Variants in DSCAML1 observed in about 807,000 individuals in gnomAD.
DSCAML1 encodes the protein DS cell adhesion molecule like 1.
DSCAML1 carries 38 observed loss-of-function variants against 200.5 expected under a neutral mutation model. That is an observed-to-expected ratio of 0.19 (90% CI 0.15 to 0.25). DSCAML1 has a LOEUF of 0.25. DSCAML1 is among the 10% of genes least tolerant of loss of function. DSCAML1 has a pLI of 1.00. For missense variants in DSCAML1, 2,223 were observed against 2,858.8 expected (o/e 0.78, Z 5.07); for synonymous variants, 1,215 against 1,165.0 (o/e 1.04, Z -0.87).
chr11:117,502,894 A>G (rs539375026), intron 11 of DSCAML1, among the ~76,000 whole-genome samples: 26 of 152,210 alleles, frequency 1.7e-4, no homozygotes, highest in African/African-American at 6.3e-4. Flanking sequence ...CACGAGGCCA[A>G]GTATGCTCAT....
In DSCAML1 at chr11:117,630,658, CAAAAAAAAAAAA is replaced by C. The variant is rs56741831; in HGVS notation, c.512-98148_512-98137del. Among the ~76,000 whole-genome samples the C allele has an allele frequency of 6.0e-3, 275 of 45,592 alleles. 1 individual carries two copies. Among genetic ancestry groups the C allele is most frequent in the Non-Finnish European group, 9.0e-3 (226 of 25,072 alleles). 29.9% of individuals were successfully genotyped at this position (45,592 alleles called of 152,430 possible). The stretch of plus-strand genomic sequence containing the variant: ...TTTGGAAACTGAGGCATAAAGTGGC[CAAAAAAAAAAAA>C]AAAAAAAAAAAAAAGAGGCATAGGG... On this transcript the variant is annotated intron_variant, in intron 3 of 32. Transcript: ENST00000651296.
chr11:117,740,666 T>C (rs1751947150), intron 3 of DSCAML1, among the ~76,000 whole-genome samples: 1 of 152,212 alleles, frequency 6.6e-6, no homozygotes, highest in South Asian at 2.1e-4. Flanking sequence ...TGCCACACCG[T>C]TGACTCCAGC....
At chr11:117,763,994 C>A (rs1488851715) in intron 3 of DSCAML1, among the ~76,000 whole-genome samples, 1 of 152,162 alleles carries the variant, frequency 6.6e-6, no homozygotes, top group African/African-American at 2.4e-5. Flanking sequence ...AACTTGATTC[C>A]TTTCCTGCAC....
At position 117,437,074 on chromosome 11, in the gene DSCAML1, C is replaced by A. The variant is rs747091305; in HGVS notation, c.4720+48G>T. The stretch of plus-strand genomic sequence containing the variant: ...TGCCACTCTGCCCACTTCCTTCGCA[C>A]CACCCTGCTCCAGCCTCTGTACCAT... On this transcript the variant is annotated intron_variant, in intron 26 of 32. Coordinates refer to ENST00000651296, the MANE Select transcript of DSCAML1 (RefSeq NM_020693.4). This position sits in a 1 kb window ranked among gnomAD's most constrained non-coding sequence, Gnocchi z 5.3. 3 of 1,569,732 alleles carry A rather than the reference C, an allele frequency of 1.9e-6. No individual in the cohort carries two copies. Among genetic ancestry groups the A allele is most frequent in the Non-Finnish European group, 2.6e-6 (3 of 1,155,622 alleles).
rs143351198 is a variant in DSCAML1 at position 117,492,731 on chromosome 11, G to C, written c.2360-10569C>G. On this transcript the variant is annotated intron_variant, in intron 11 of 32. Coordinates refer to ENST00000651296, the MANE Select transcript of DSCAML1 (RefSeq NM_020693.4). ...GCGCGCCGGGTGGTCGGCGGGGCGGGTGGGAGCAGCGCTTCACTCAGCCTT... is the reference window on the plus strand; with the variant it reads ...GCGCGCCGGGTGGTCGGCGGGGCGGCTGGGAGCAGCGCTTCACTCAGCCTT... Among the ~76,000 whole-genome samples, 83 of 152,296 alleles carry C rather than the reference G, an allele frequency of 5.4e-4. 2 individuals carry two copies. The Middle Eastern group carries it at 0.031, about 57-fold the overall frequency.
At chr11:117,495,210 C>T (rs2049268054) in intron 11 of DSCAML1, among the ~76,000 whole-genome samples, 1 of 152,138 alleles carries the variant, frequency 6.6e-6, no homozygotes. Context: ...CTGTTATGCT[C>T]CCAGCCCCAA....
intron 24 of DSCAML1, 121 bp downstream of exon 24, chr11:117,438,764 C>T: frequency 2.1e-6 from 2 of 939,838 alleles, no homozygotes; most frequent in Non-Finnish European, 3.0e-6. Flanking sequence ...TTGTGGGTCA[C>T]TTGGCCCCCA....
chr11:117,784,790 A>G (rs1288647657), intron 1 of DSCAML1, among the ~76,000 whole-genome samples: 2 of 152,196 alleles, frequency 1.3e-5, no homozygotes, highest in African/African-American at 4.8e-5. Flanking sequence ...ACAAAAGGGC[A>G]GGATGTGATT....
intron 1 of DSCAML1, among the ~76,000 whole-genome samples, chr11:117,795,019 C>T (rs935621401): frequency 6.6e-6 from 1 of 152,196 alleles, no homozygotes; most frequent in Admixed American, 6.5e-5. Flanking sequence ...AAGATTTTGC[C>T]CCTTGGCTGT....
intron 3 of DSCAML1, among the ~76,000 whole-genome samples, chr11:117,597,081 G>A (rs2051375106): frequency 1.3e-5 from 2 of 152,178 alleles, no homozygotes; most frequent in Admixed American, 1.3e-4. Context: ...CGTTCTGCAT[G>A]GAGGTTTTCC....
chr11:117,633,411 G>C (rs919938765), intron 3 of DSCAML1, among the ~76,000 whole-genome samples: 1 of 152,204 alleles, frequency 6.6e-6, no homozygotes, highest in African/African-American at 2.4e-5. Context: ...TTTGCTCCCT[G>C]TCAACACAGA....
At chr11:117,461,344 C>A in intron 18 of DSCAML1, 106 bp downstream of exon 18, 1 of 1,526,438 alleles carries the variant, frequency 6.6e-7, no homozygotes. Context: ...TGCACTTCCT[C>A]TTGCCAAGCT....
chr11:117,771,140 T>A (rs2055031353), intron 3 of DSCAML1, among the ~76,000 whole-genome samples: 1 of 152,124 alleles, frequency 6.6e-6, no homozygotes, highest in South Asian at 2.1e-4. Context: ...CCACCTCCCC[T>A]CTCTGTGCCC....
intron 3 of DSCAML1, among the ~76,000 whole-genome samples, chr11:117,586,507 T>C (rs1036494718): frequency 2.0e-5 from 3 of 152,144 alleles, no homozygotes; most frequent in Admixed American, 1.3e-4. Flanking sequence ...CTGCCCAAGG[T>C]CACAGAGCTG....
At chr11:117,612,118 C>T (rs1165772554) in intron 3 of DSCAML1, 1 of 152,194 alleles carries the variant, frequency 6.6e-6, no homozygotes, top group Non-Finnish European at 1.5e-5. Flanking sequence ...GCTCTGTATA[C>T]AGTAAGTGTT....
At chr11:117,753,163 C>A (rs1387330396) in intron 3 of DSCAML1, among the ~76,000 whole-genome samples, 2 of 152,218 alleles carry the variant, frequency 1.3e-5, no homozygotes, top group African/African-American at 2.4e-5. Context: ...TAAAATGCAC[C>A]TCCCAGGGTT....
At chr11:117,661,306 A>C (rs769515957) in intron 3 of DSCAML1, among the ~76,000 whole-genome samples, 9 of 152,332 alleles carry the variant, frequency 5.9e-5, no homozygotes, top group Middle Eastern at 3.4e-3. Flanking sequence ...CAGAGCAGCC[A>C]AAGAGGTAGC....
chr11:117,544,121 C>T (rs2050325829), intron 3 of DSCAML1, among the ~76,000 whole-genome samples: 1 of 152,136 alleles, frequency 6.6e-6, no homozygotes, highest in Non-Finnish European at 1.5e-5. Flanking sequence ...CGTTGTCTCT[C>T]TTGGAAGAGA....
At chr11:117,758,046 T>C (rs2137884599) in intron 3 of DSCAML1, among the ~76,000 whole-genome samples, 1 of 152,062 alleles carries the variant, frequency 6.6e-6, no homozygotes, top group Non-Finnish European at 1.5e-5. Flanking sequence ...CTCACACCTG[T>C]AATTCCAGCA....
Sources: gnomAD v4.1 joint callset for allele counts (sites outside exome capture counted in the v4.1 genomes callset) on GRCh38, gnomAD v4.1.1 for gene constraint, Gnocchi (gnomAD v3.1) non-coding constraint, MANE v1.5 for transcripts, NCBI Gene and HGNC (gene_info 2026-07-23, HGNC 2026-07-21) for gene names.